The following ATXN1 variants were observed in gnomAD, a reference collection of about 807,000 sequenced individuals.
The protein encoded by ATXN1 is ataxin 1, also known as ataxin-1.
In ATXN1, 8 loss-of-function variants were observed where a neutral mutation model predicts 56.4. The observed-to-expected ratio is 0.14, with a 90% CI of 0.08 to 0.26. ATXN1 has a LOEUF of 0.26. ATXN1 is among the 10% of genes least tolerant of loss of function. The pLI is 1.00. For synonymous variants in ATXN1, 514 were observed against 494.6 expected (o/e 1.04, Z -0.52); for missense variants, 987 against 1,106.5 (o/e 0.89, Z 1.53).
intron 5 of ATXN1, among the ~76,000 whole-genome samples, chr6:16,494,622 G>T (rs1445652301): frequency 6.6e-6 from 1 of 152,108 alleles, no homozygotes; most frequent in East Asian, 1.9e-4. Context: ...ATCTCCTTAT[G>T]GACGTAGTGC....
chr6:16,586,125 C>G (rs945215519), intron 3 of ATXN1, among the ~76,000 whole-genome samples: 2 of 152,056 alleles, frequency 1.3e-5, no homozygotes, highest in Non-Finnish European at 2.9e-5. Context: ...AGGTCCCTAT[C>G]CCCAGGGATG....
At chr6:16,648,307 G>A (rs1763836765) in intron 3 of ATXN1, among the ~76,000 whole-genome samples, 1 of 152,184 alleles carries the variant, frequency 6.6e-6, no homozygotes, top group African/African-American at 2.4e-5. Context: ...GCAGAGGGCA[G>A]TTCAACATAA....
rs1020343171 is a variant in ATXN1 at position 16,347,212 on chromosome 6, A to C, written c.-160-18742T>G. 2.6e-5 allele frequency among the ~76,000 whole-genome samples: 4 copies of C among 152,228 alleles called. 1 individual carries two copies. Among genetic ancestry groups the C allele is most frequent in the African/African-American group, 9.6e-5 (4 of 41,460 alleles). On this transcript the variant is annotated intron_variant, in intron 6 of 7. Transcript: ENST00000436367. ...GCCCAGTCCCATCGACCACCCAAGG[A>C]CTGAGGAGTGCGGGCGCACGGCACT...
chr6:16,520,096 C>A (rs1761258310), intron 5 of ATXN1, among the ~76,000 whole-genome samples: 1 of 152,140 alleles, frequency 6.6e-6, no homozygotes, highest in Non-Finnish European at 1.5e-5. Flanking sequence ...CAAATAAAAT[C>A]ACAGCGCTGG....
At chr6:16,489,776 C>T (rs1004858368) in intron 5 of ATXN1, among the ~76,000 whole-genome samples, 5 of 152,086 alleles carry the variant, frequency 3.3e-5, no homozygotes, top group Admixed American at 3.3e-4. Context: ...TATGATCACG[C>T]CACTGTACCC....
rs140172970 is a variant in ATXN1, at chr6:16,554,476, A to T, written c.-361+31304T>A. 2.9e-4 allele frequency among the ~76,000 whole-genome samples: 44 copies of T among 152,070 alleles called. 1 individual carries two copies. The East Asian group carries it at 8.3e-3, about 29-fold the overall frequency. On this transcript the variant is annotated intron_variant, in intron 4 of 7. Transcript: ENST00000436367. The stretch of plus-strand genomic sequence containing the variant: ...ACAGCTTTTTTATTTTTTGAGATGG[A>T]GTTTGGTTCTTGTCGCCCAGGCTGG...
Position 16,301,084 on chromosome 6 carries a change from GCTT to G in ATXN1, c.*5242_*5244del, listed in dbSNP as rs1313884144. On this transcript the variant is annotated 3_prime_UTR_variant, in exon 8 of 8. Transcript: ENST00000436367. ...AACATGTAACTTTCAACCCTTCTCT[GCTT>G]TTTTTTTTTTACAAACAAAGTATGA... 3.1e-5 allele frequency: 3 copies of G among 98,098 alleles called. No individual in the cohort carries two copies. Among genetic ancestry groups the G allele is most frequent in the African/African-American group, 5.0e-5 (1 of 19,850 alleles). 6.1% of individuals were successfully genotyped at this position (98,098 alleles called of 1,614,324 possible).
At chr6:16,486,768 G>A (rs1285695204) in intron 5 of ATXN1, among the ~76,000 whole-genome samples, 1 of 151,726 alleles carries the variant, frequency 6.6e-6, no homozygotes, top group Non-Finnish European at 1.5e-5. Flanking sequence ...TGGGCAGTAG[G>A]GCACATGCAG....
chr6:16,566,437 C>T (rs9477171), intron 4 of ATXN1, among the ~76,000 whole-genome samples: 1 of 152,002 alleles, frequency 6.6e-6, no homozygotes, highest in Non-Finnish European at 1.5e-5. Context: ...CTTCTAGCTA[C>T]TCTCATAACA....
chr6:16,661,025 G>A (rs2113366065), intron 2 of ATXN1, among the ~76,000 whole-genome samples: 1 of 151,834 alleles, frequency 6.6e-6, no homozygotes, highest in Middle Eastern at 3.4e-3. Context: ...TTTTAGTGGA[G>A]ACGGGATTTC....
Position 16,316,865 on chromosome 6 carries a change from C to CTTTTTTTTTTTTTTTTTT in ATXN1, c.1917+9511_1917+9528dup, listed in dbSNP as rs375359789. 1.1e-3 allele frequency among the ~76,000 whole-genome samples: 106 copies of CTTTTTTTTTTTTTTTTTT among 99,440 alleles called. 8 individuals are homozygous for CTTTTTTTTTTTTTTTTTT. The highest frequency in any genetic ancestry group is 1.4e-3 in the Non-Finnish European group (79 of 56,236). The allele number at this position is 99,440 out of a possible 152,430, so 65.2% of individuals were successfully genotyped here. On this transcript the variant is annotated intron_variant, in intron 7 of 7. Transcript: ENST00000436367. ...AGGGGGCAATAGAGAGACTGCCTGT[C>CTTTTTTTTTTTTTTTTTT]TTTTTTTTTTTTTTTTTTTTTTTTT...
intron 2 of ATXN1, among the ~76,000 whole-genome samples, chr6:16,684,345 G>A (rs1410543540): frequency 6.6e-6 from 1 of 152,114 alleles, no homozygotes; most frequent in East Asian, 1.9e-4. Context: ...AGTCGGAAGT[G>A]GTCTGAAGGA....
At chr6:16,487,192 T>C (rs1268615885) in intron 5 of ATXN1, among the ~76,000 whole-genome samples, 1 of 152,176 alleles carries the variant, frequency 6.6e-6, no homozygotes, top group Admixed American at 6.6e-5. Flanking sequence ...AGAATTTAAG[T>C]GCTACACTAG....
chr6:16,507,627 C>G (rs1384636306), intron 5 of ATXN1, among the ~76,000 whole-genome samples: 1 of 152,006 alleles, frequency 6.6e-6, no homozygotes, highest in African/African-American at 2.4e-5. Context: ...GCCTAAGTAC[C>G]CTTAATTTTT....
intron 6 of ATXN1, among the ~76,000 whole-genome samples, chr6:16,360,063 T>C (rs1182822104): frequency 6.6e-6 from 1 of 151,472 alleles, no homozygotes; most frequent in East Asian, 1.9e-4. Flanking sequence ...CCAAAACCTA[T>C]GGACGTAAAA....
At chr6:16,413,740 T>G in intron 6 of ATXN1, among the ~76,000 whole-genome samples, 1 of 152,136 alleles carries the variant, frequency 6.6e-6, no homozygotes, top group East Asian at 1.9e-4. Context: ...AAATCCTGTG[T>G]GGTGGTGGTC....
chr6:16,725,164 T>C (rs1759822216), intron 2 of ATXN1, among the ~76,000 whole-genome samples: 3 of 152,240 alleles, frequency 2.0e-5, no homozygotes, highest in Non-Finnish European at 4.4e-5. Context: ...GTATGTTAAC[T>C]TCCTATGGCT....
chr6:16,431,991 G>A (rs1450190275), intron 6 of ATXN1, among the ~76,000 whole-genome samples: 4 of 152,150 alleles, frequency 2.6e-5, no homozygotes, highest in Non-Finnish European at 5.9e-5. Context: ...AGTTTTGGTG[G>A]TAAACATGTG....
chr6:16,729,178 C>T (rs1033211588), intron 2 of ATXN1, among the ~76,000 whole-genome samples: 8 of 152,276 alleles, frequency 5.3e-5, no homozygotes, highest in African/African-American at 1.9e-4. Flanking sequence ...TTGGCAGAAC[C>T]AGGATTAAAA....
Sources: gnomAD v4.1 joint callset for allele counts (sites outside exome capture counted in the v4.1 genomes callset) on GRCh38, gnomAD v4.1.1 for gene constraint, MANE v1.5 for transcripts, NCBI Gene and HGNC (gene_info 2026-07-23, HGNC 2026-07-21) for gene names.